IMPG1: variants seen among roughly 807,000 people sequenced by gnomAD.
IMPG1 encodes the protein interphotoreceptor matrix proteoglycan 1, also known as interphotoreceptor matrix proteoglycan of 150 kDa.
IMPG1 carries 85 observed loss-of-function variants against 92.0 expected under a neutral mutation model. The observed-to-expected ratio is 0.92, with a 90% CI of 0.78 to 1.11. The LOEUF (loss-of-function observed/expected upper bound fraction) is 1.11, where lower values mean the gene tolerates loss of function less well. IMPG1 is among the 50% of genes least tolerant of loss of function. The pLI is 0.00. For missense variants in IMPG1, 1,022 were observed against 956.0 expected, an observed-to-expected ratio of 1.07 and a Z score of -0.91; for synonymous variants, 367 against 334.1, an observed-to-expected ratio of 1.10 and a Z score of -1.08.
chr6:75,957,114 T>C (rs1782139118), intron 12 of IMPG1, among the ~76,000 whole-genome samples: 1 of 152,106 alleles, frequency 6.6e-6, no homozygotes, highest in African/African-American at 2.4e-5. Flanking sequence ...GAGATGGGGT[T>C]TCACCATCTT....
intron 1 of IMPG1, among the ~76,000 whole-genome samples, chr6:76,057,907 T>A (rs1054696915): frequency 5.3e-5 from 8 of 152,176 alleles, no homozygotes; most frequent in African/African-American, 1.9e-4. Context: ...AGCTGCATGT[T>A]ATAAACTTTA....
At chr6:76,063,591 GT>G (rs1432367532) in intron 1 of IMPG1, among the ~76,000 whole-genome samples, 1 of 152,160 alleles carries the variant, frequency 6.6e-6, no homozygotes, top group Non-Finnish European at 1.5e-5. Context: ...CATGTACAGG[GT>G]TGCTTGTCCT....
chr6:76,028,584 C>T lies in IMPG1; in HGVS notation c.498-3326G>A, dbSNP rs554003996. On this transcript the variant is annotated intron_variant, in intron 4 of 16. Transcript: ENST00000369950. ...GTGGCTCACGCCTGTAATCCCAGCA[C>T]TTTGGGAGGCCGAGGCGGGTGGATC... Among the ~76,000 whole-genome samples the T allele has an allele frequency of 2.6e-5, 4 of 152,312 alleles. No homozygotes were observed. In the East Asian group the frequency reaches 5.8e-4, roughly 22 times the overall value.
At chr6:76,012,431 G>A (rs1012106054) in intron 7 of IMPG1, among the ~76,000 whole-genome samples, 9 of 152,162 alleles carry the variant, frequency 5.9e-5, no homozygotes, top group Non-Finnish European at 1.3e-4. Context: ...AGGAGCCTTC[G>A]AGTTTCCATC....
intron 1 of IMPG1, among the ~76,000 whole-genome samples, chr6:76,067,913 A>T (rs1168774788): frequency 6.6e-6 from 1 of 152,204 alleles, no homozygotes; most frequent in Admixed American, 6.5e-5. Context: ...GATTCACAAC[A>T]TAAACAGGAT....
At chr6:76,050,902 A>G (rs1030306851) in intron 1 of IMPG1, among the ~76,000 whole-genome samples, 2 of 152,200 alleles carry the variant, frequency 1.3e-5, no homozygotes, top group African/African-American at 2.4e-5. Flanking sequence ...TAGCATTGCT[A>G]TGAAAGCAAC....
chr6:75,974,319 CTCTT>C (rs1295607022), intron 12 of IMPG1, among the ~76,000 whole-genome samples: 12 of 141,058 alleles, frequency 8.5e-5, no homozygotes, highest in Non-Finnish European at 6.2e-5. Flanking sequence ...CTTTCTTTCC[CTCTT>C]TCTTTCCCTT....
intron 1 of IMPG1, among the ~76,000 whole-genome samples, chr6:76,064,691 G>A (rs530156731): frequency 6.6e-6 from 1 of 152,278 alleles, no homozygotes; most frequent in Admixed American, 6.5e-5. Flanking sequence ...TCAGGCCACT[G>A]TGCATTCCAT....
intron 14 of IMPG1, among the ~76,000 whole-genome samples, chr6:75,934,332 G>A (rs1353844666): frequency 1.3e-5 from 2 of 152,232 alleles, no homozygotes; most frequent in Non-Finnish European, 2.9e-5. Context: ...TAAGTGAGCT[G>A]CCATGTAGGG....
intron 3 of IMPG1, 21 bp downstream of exon 3, chr6:76,034,600 C>A (rs369335839): frequency 1.6e-5 from 26 of 1,612,882 alleles, no homozygotes; most frequent in Admixed American, 3.3e-5. Context: ...TTCCAAATAA[C>A]CATGTGGTGT....
At chr6:76,042,755 C>T (rs1280231374) in intron 1 of IMPG1, among the ~76,000 whole-genome samples, 1 of 152,038 alleles carries the variant, frequency 6.6e-6, no homozygotes, top group African/African-American at 2.4e-5. Flanking sequence ...CCCTTCCCAA[C>T]AAGGGGGAGG....
At chr6:75,960,369 C>T (rs1326160) in intron 12 of IMPG1, among the ~76,000 whole-genome samples, 36,237 of 152,098 alleles carry the variant, frequency 0.24, 4,398 homozygotes, top group Admixed American at 0.3. Flanking sequence ...AATATTAATC[C>T]CTCACATTCA....
At chr6:75,982,565 A>ATCTATCTATCTATC (rs1782645287) in intron 12 of IMPG1, among the ~76,000 whole-genome samples, 1 of 78,828 alleles carries the variant, frequency 1.3e-5, no homozygotes, top group African/African-American at 4.0e-5. Context: ...ATCTATCTAT[A>ATCTATCTATCTATC]TATCTATATA....
At chr6:75,978,021 C>G (rs932483041) in intron 12 of IMPG1, among the ~76,000 whole-genome samples, 2 of 152,070 alleles carry the variant, frequency 1.3e-5, no homozygotes, top group African/African-American at 2.4e-5. Flanking sequence ...AACTCCTGTA[C>G]TCAAGCAGTC....
intron 12 of IMPG1, among the ~76,000 whole-genome samples, chr6:76,001,870 T>A (rs1215471025): frequency 6.6e-6 from 1 of 152,250 alleles, no homozygotes; most frequent in Non-Finnish European, 1.5e-5. Context: ...ATTTATTCAC[T>A]GATAATCATG....
At chr6:76,020,315 G>C (rs1783397238) in intron 6 of IMPG1, among the ~76,000 whole-genome samples, 1 of 152,160 alleles carries the variant, frequency 6.6e-6, no homozygotes, top group South Asian at 2.1e-4. Context: ...GGTCTCCCAA[G>C]GTGCTGGGAT....
chr6:76,032,781 G>GCTTTCC (rs1783672595), intron 4 of IMPG1, among the ~76,000 whole-genome samples: 1 of 152,110 alleles, frequency 6.6e-6, no homozygotes, highest in African/African-American at 2.4e-5. Context: ...CCAAGCAAGA[G>GCTTTCC]GGAAAGGCTA....
chr6:75,948,081 G>A (rs939362936), intron 13 of IMPG1, among the ~76,000 whole-genome samples: 9 of 152,192 alleles, frequency 5.9e-5, no homozygotes, highest in African/African-American at 2.2e-4. Flanking sequence ...TGGCAGTTAG[G>A]AGACTTGGGT....
intron 1 of IMPG1, among the ~76,000 whole-genome samples, chr6:76,061,466 C>G (rs1201711537): frequency 1.3e-5 from 2 of 152,118 alleles, no homozygotes; most frequent in African/African-American, 4.8e-5. Flanking sequence ...AAGCAAAATA[C>G]CTTTTGTGTA....
Sources: allele counts gnomAD v4.1 joint callset (sites outside exome capture counted in the v4.1 genomes callset), GRCh38; gene constraint gnomAD v4.1.1; transcripts MANE v1.5; gene names NCBI Gene and HGNC (gene_info 2026-07-23, HGNC 2026-07-21).